Variants in WT1 observed in about 807,000 individuals in gnomAD.
The protein encoded by WT1 is Wilms tumor protein.
A neutral mutation model predicts 60.8 loss-of-function variants in WT1; 8 were observed. The observed-to-expected ratio is 0.13, with a 90% CI of 0.08 to 0.24. The LOEUF (loss-of-function observed/expected upper bound fraction) is 0.24. WT1 is among the 10% of genes least tolerant of loss of function. The probability of loss-of-function intolerance (pLI) is 1.00; values close to 1 mark genes in which losing one functional copy is unlikely to be tolerated. For missense variants in WT1, 568 were observed against 711.8 expected (o/e 0.80, Z 2.30); for synonymous variants, 312 against 297.1 (o/e 1.05, Z -0.52).
intron 5 of WT1, among the ~76,000 whole-genome samples, chr11:32,411,255 T>C (rs1852490621): frequency 6.6e-6 from 1 of 152,124 alleles, no homozygotes; most frequent in African/African-American, 2.4e-5. Flanking sequence ...TTTCCTCACC[T>C]CCACAAGATG....
At position 32,434,682 on chromosome 11, in the gene WT1, G is replaced by A. The variant is rs369162648; in HGVS notation, c.661+18C>T. ...CGCCACTGCCCCGCGCGTAGGGGGC[G>A]CTCCCCGGCCTACTTACCCTGATTG... On this transcript the variant is annotated intron_variant, in intron 1 of 9. Transcript: ENST00000452863. 9.9e-6 allele frequency: 16 copies of A among 1,612,436 alleles called. No individual in the cohort carries two copies. The highest frequency in any genetic ancestry group is 1.4e-5 in the Non-Finnish European group (16 of 1,179,888).
At chr11:32,420,398 G>A (rs1852816691) in intron 3 of WT1, among the ~76,000 whole-genome samples, 1 of 152,158 alleles carries the variant, frequency 6.6e-6, no homozygotes, top group Non-Finnish European at 1.5e-5. Context: ...AATGTTGTGA[G>A]GCCCATAAAA....
At chr11:32,410,592 G>A (rs920064143) in intron 5 of WT1, among the ~76,000 whole-genome samples, 3 of 152,100 alleles carry the variant, frequency 2.0e-5, no homozygotes, top group Non-Finnish European at 4.4e-5. Context: ...TCTCTGGGTG[G>A]TGAGACAACA....
chr11:32,426,738 T>C (rs1043489331), intron 3 of WT1, among the ~76,000 whole-genome samples: 21 of 151,954 alleles, frequency 1.4e-4, no homozygotes, highest in East Asian at 1.2e-3. Context: ...GCGTTAGAAA[T>C]AGAAGGGGCG....
At chr11:32,415,802 T>C (rs1748147255) in intron 5 of WT1, among the ~76,000 whole-genome samples, 1 of 151,944 alleles carries the variant, frequency 6.6e-6, no homozygotes, top group South Asian at 2.1e-4. Flanking sequence ...TGCTGAAAAA[T>C]TTGGGGGCGG....
At chr11:32,429,007 G>C in intron 1 of WT1, 1 of 337,860 alleles carries the variant, frequency 3.0e-6, no homozygotes, top group Non-Finnish European at 5.8e-6. Flanking sequence ...CGCAGGAGCA[G>C]CGCGGGCAAG....
At chr11:32,430,455 G>GGAGGGAGAGA in intron 1 of WT1, 1 of 894,588 alleles carries the variant, frequency 1.1e-6, no homozygotes, top group Non-Finnish European at 1.6e-6. Flanking sequence ...AGAGAGGGAG[G>GGAGGGAGAGA]GAGAGAGAGA....
intron 9 of WT1, 28 bp downstream of exon 9, chr11:32,391,944 A>T (rs2132913327): frequency 6.3e-7 from 1 of 1,599,412 alleles, no homozygotes; most frequent in Non-Finnish European, 8.6e-7. Context: ...AAATAATGAA[A>T]AATAAATGTG....
intron 7 of WT1, among the ~76,000 whole-genome samples, chr11:32,394,844 C>A (rs1428650276): frequency 6.6e-6 from 1 of 152,234 alleles, no homozygotes; most frequent in East Asian, 1.9e-4. Flanking sequence ...AGTTGTCTAA[C>A]CCTCACTGCA....
intron 5 of WT1, among the ~76,000 whole-genome samples, chr11:32,405,564 A>AAT (rs1170701524): frequency 6.6e-6 from 1 of 150,698 alleles, no homozygotes; most frequent in Admixed American, 6.6e-5. Context: ...CTTATACATA[A>AAT]ATATATATAT....
chr11:32,419,000 G>A (rs758261519), intron 3 of WT1, among the ~76,000 whole-genome samples: 17 of 152,094 alleles, frequency 1.1e-4, no homozygotes, highest in Non-Finnish European at 1.5e-4. Context: ...TCTGGACGCC[G>A]TCACTCATCC....
intron 5 of WT1, among the ~76,000 whole-genome samples, chr11:32,402,049 G>C (rs532019825): frequency 6.6e-6 from 1 of 152,166 alleles, no homozygotes; most frequent in African/African-American, 2.4e-5. Flanking sequence ...AGGAGAGAGT[G>C]CCTGAAGGAA....
At chr11:32,431,016 C>T (rs1360459648) in intron 1 of WT1, among the ~76,000 whole-genome samples, 1 of 152,026 alleles carries the variant, frequency 6.6e-6, no homozygotes, top group South Asian at 2.1e-4. Flanking sequence ...AATCGAGTGG[C>T]CAAGGTAGCG....
intron 3 of WT1, among the ~76,000 whole-genome samples, chr11:32,423,671 C>T (rs1852927413): frequency 6.6e-6 from 1 of 152,190 alleles, no homozygotes; most frequent in Non-Finnish European, 1.5e-5. Flanking sequence ...CCACTTCCGT[C>T]CCTTAACTGT....
In WT1 at chr11:32,388,746, AG is replaced by A; in HGVS notation, c.*311del. The A allele has an allele frequency of 2.2e-6, 1 of 463,916 alleles. No homozygotes were observed. The highest frequency in any genetic ancestry group is 3.6e-5 in the East Asian group (1 of 27,778). The allele number at this position is 463,916 out of a possible 1,614,324, so 28.7% of individuals were successfully genotyped here. A position where few individuals can be genotyped will look rare whatever the true frequency, so the allele number is the denominator to read the frequency against. On this transcript the variant is annotated 3_prime_UTR_variant, in exon 10 of 10. Transcript: ENST00000452863. ...AGCATAAAAAAAGAAGGGAAGGGTC[AG>A]GGGGACATGATCAGCTATGGCTCTT...
intron 1 of WT1, chr11:32,429,041 C>T: frequency 3.2e-6 from 1 of 309,442 alleles, no homozygotes; most frequent in Non-Finnish European, 6.4e-6. Flanking sequence ...CTGGGCTAAC[C>T]CCGCGTTGAC....
At chr11:32,396,120 A>T in intron 7 of WT1, 137 bp downstream of exon 7, 1 of 1,272,032 alleles carries the variant, frequency 7.9e-7, no homozygotes, top group Non-Finnish European at 1.1e-6. Flanking sequence ...CAGCCTCTTT[A>T]CAACACCTGG....
Position 32,435,235 on chromosome 11 carries a change from G to T in WT1, c.126C>A (p.Gly42=), listed in dbSNP as rs1853476071. The T allele has an allele frequency of 1.3e-6, 2 of 1,535,732 alleles. No individual in the cohort carries two copies. The highest frequency in any genetic ancestry group is 1.7e-6 in the Non-Finnish European group (2 of 1,147,116). The change falls in exon 1 of 10, where the codon GGC becomes GGA. Residue 42 remains glycine, a synonymous_variant. Coordinates refer to ENST00000452863, the MANE Select transcript of WT1 (RefSeq NM_024426.6). ...CGGCGCCTAACTTGGCCCAGATGCCGCCCGGGTCCCGGACTCCCTGCTGCT... is the reference window on the plus strand; with the variant it reads ...CGGCGCCTAACTTGGCCCAGATGCCTCCCGGGTCCCGGACTCCCTGCTGCT...
chr11:32,396,462 G>T, intron 6 of WT1, 55 bp from the exon 7 acceptor site: 1 of 1,605,862 alleles, frequency 6.2e-7, no homozygotes, highest in East Asian at 2.2e-5. Context: ...GAACATTCAC[G>T]TAGGTCTTGA....
Sources: gnomAD v4.1 joint callset for allele counts (sites outside exome capture counted in the v4.1 genomes callset) on GRCh38, gnomAD v4.1.1 for gene constraint, MANE v1.5 for transcripts, NCBI Gene and HGNC (gene_info 2026-07-23, HGNC 2026-07-21) for gene names.